Variants in COBL observed in about 807,000 individuals in gnomAD.
The protein encoded by COBL is cordon-bleu WH2 repeat protein, also known as protein cordon-bleu.
In COBL, 51 loss-of-function variants were observed where a neutral mutation model predicts 98.8. The observed-to-expected ratio is 0.52, with a 90% CI of 0.41 to 0.65. The LOEUF is 0.65. Ranked by LOEUF, COBL falls within the 30% of genes least tolerant of loss-of-function variation. The pLI, the probability that COBL is intolerant of heterozygous loss-of-function variation, is 0.00. For missense variants in COBL, 1,617 were observed against 1,617.5 expected, an observed-to-expected ratio of 1.00 and a Z score of 0.01; for synonymous variants, 634 against 651.7, an observed-to-expected ratio of 0.97 and a Z score of 0.41.
At chr7:51,236,065 T>C (rs552451248) in intron 1 of COBL, among the ~76,000 whole-genome samples, 106 of 152,312 alleles carry the variant, frequency 7.0e-4, no homozygotes, top group African/African-American at 2.5e-3. Flanking sequence ...TGGGCTCACT[T>C]GGTGTGTCCT....
intron 2 of COBL, among the ~76,000 whole-genome samples, chr7:51,217,907 G>A (rs116738449): frequency 0.015 from 2,219 of 152,306 alleles, 54 homozygotes; most frequent in African/African-American, 0.051. Context: ...AAAGCCTATC[G>A]AACTGCCGCA....
rs531123538 is a variant in COBL, at chr7:51,137,756, A to AAACAG, written c.784-1430_784-1426dup. 3.2e-4 allele frequency among the ~76,000 whole-genome samples: 48 copies of AAACAG among 152,330 alleles called. No homozygotes were observed. The South Asian group carries it at 8.7e-3, about 28-fold the overall frequency. Reference sequence around the variant, plus strand: ...GAGAACTGTATGTAATCCCAGCTCCAAACAGTTCCTGGTAGGTGGAGGGCC... The same window carrying AAACAG: ...GAGAACTGTATGTAATCCCAGCTCCAAACAGAACAGTTCCTGGTAGGTGGAGGGCC... On this transcript the variant is annotated intron_variant, in intron 5 of 12. Transcript: ENST00000265136.
intron 6 of COBL, among the ~76,000 whole-genome samples, chr7:51,103,635 A>G (rs1328006828): frequency 6.6e-6 from 1 of 152,182 alleles, no homozygotes; most frequent in East Asian, 1.9e-4. Flanking sequence ...TAATTTTGCT[A>G]TGTGCTCTAC....
At chr7:51,072,650 A>C (rs1216031506) in intron 7 of COBL, 2 of 152,270 alleles carry the variant, frequency 1.3e-5, no homozygotes, top group Non-Finnish European at 2.9e-5. Flanking sequence ...CTGTTTAGTG[A>C]ATAAATGGGT....
intron 7 of COBL, among the ~76,000 whole-genome samples, chr7:51,080,327 A>C (rs1335880363): frequency 1.3e-5 from 2 of 152,226 alleles, no homozygotes; most frequent in African/African-American, 4.8e-5. Context: ...GTTTTCAAAA[A>C]AGTGTATTTC....
intron 1 of COBL, 161 bp downstream of exon 1, chr7:51,316,432 C>G: frequency 4.4e-6 from 2 of 453,294 alleles, no homozygotes; most frequent in Non-Finnish European, 6.8e-6. Flanking sequence ...CACCCAACAC[C>G]AGCACCCAAC....
chr7:51,306,593 T>C (rs138121876), intron 1 of COBL, among the ~76,000 whole-genome samples: 4 of 152,256 alleles, frequency 2.6e-5, no homozygotes, highest in East Asian at 3.9e-4. Flanking sequence ...ACATCTTGCT[T>C]TGAGGAAGGG....
chr7:51,065,007 C>T, intron 7 of COBL: 2 of 604,574 alleles, frequency 3.3e-6, no homozygotes, highest in South Asian at 4.1e-5. Context: ...AGCTTTCAGA[C>T]AGACAGAATT....
intron 1 of COBL, chr7:51,260,065 G>GT: frequency 9.0e-7 from 1 of 1,107,492 alleles, no homozygotes; most frequent in East Asian, 2.3e-5. Context: ...TTCTCCAAAA[G>GT]TGTCTGCTTT....
chr7:51,257,998 ATTAT>A (rs1344685767), intron 1 of COBL, among the ~76,000 whole-genome samples: 2 of 152,194 alleles, frequency 1.3e-5, no homozygotes, highest in Admixed American at 6.5e-5. Flanking sequence ...AGGAAAATGT[ATTAT>A]TTATTTACCT....
chr7:51,034,448 A>C (rs1172234968), intron 8 of COBL: 1 of 152,250 alleles, frequency 6.6e-6, no homozygotes, highest in African/African-American at 2.4e-5. Flanking sequence ...TGTTCTGAGC[A>C]TGTATGAATG....
chr7:51,126,422 T>G (rs1384962605), intron 6 of COBL, among the ~76,000 whole-genome samples: 1 of 152,190 alleles, frequency 6.6e-6, no homozygotes, highest in African/African-American at 2.4e-5. Context: ...CTGATCTTCA[T>G]GCTTCTGTTA....
At chr7:51,080,686 A>T (rs1454696991) in intron 7 of COBL, among the ~76,000 whole-genome samples, 1 of 152,136 alleles carries the variant, frequency 6.6e-6, no homozygotes, top group East Asian at 1.9e-4. Flanking sequence ...TTAAAACTGA[A>T]CTCAAGAGGA....
At position 51,029,390 on chromosome 7, in the gene COBL, G is replaced by C. The variant is rs375644713; in HGVS notation, c.1706C>G (p.Ser569Trp). The C allele has an allele frequency of 3.7e-6, 6 of 1,612,506 alleles. No individual in the cohort carries two copies. Among genetic ancestry groups the C allele is most frequent in the Non-Finnish European group, 2.5e-6 (3 of 1,178,942 alleles). ...GTCTCTCCTGCTGGCAACACCCTCC[G>C]AGTCGAAAGACCCAGCATTGTTGTT... is the stretch of plus-strand genomic sequence containing the variant. ...NRNNNAGSFD[S>W]EGVASRRDSL... is the part of the protein sequence containing the mutation. The change falls in exon 10 of 13, where the codon TCG (serine) becomes TGG (tryptophan). Residue 569 changes from serine to tryptophan, a missense_variant. Ser to Trp is a radical substitution (Grantham distance 177). Around this residue, in one of 3 missense-constraint regions of COBL, gnomAD observed 1,304 missense variants for 1,282.0 expected, o/e 1.02. Transcript: ENST00000265136.
chr7:51,246,620 A>G lies in COBL; in HGVS notation c.42-26676T>C, dbSNP rs117506639. Among the ~76,000 whole-genome samples, 127 of 152,312 alleles carry G rather than the reference A, an allele frequency of 8.3e-4. 4 individuals are homozygous for G. The East Asian group carries it at 0.024, about 29-fold the overall frequency. ...GGCCATGCTATTAGATCTGGGCCATATAACTTCTATCTCATTCAAATAAAA... is the reference window on the plus strand; with the variant it reads ...GGCCATGCTATTAGATCTGGGCCATGTAACTTCTATCTCATTCAAATAAAA... On this transcript the variant is annotated intron_variant, in intron 1 of 12. Coordinates refer to ENST00000265136, the MANE Select transcript of COBL (RefSeq NM_015198.5).
intron 1 of COBL, among the ~76,000 whole-genome samples, chr7:51,224,229 G>A (rs801144): frequency 0.19 from 29,237 of 152,048 alleles, 3,680 homozygotes; most frequent in East Asian, 0.59. Flanking sequence ...CTCAGAGTGC[G>A]CCCCTATCAT....
chr7:51,303,224 C>T (rs1802150808), intron 1 of COBL, among the ~76,000 whole-genome samples: 1 of 152,116 alleles, frequency 6.6e-6, no homozygotes, highest in South Asian at 2.1e-4. Flanking sequence ...TCTGGGGACA[C>T]AAAACCTAAT....
intron 5 of COBL, among the ~76,000 whole-genome samples, chr7:51,164,335 C>A (rs1027706570): frequency 6.6e-6 from 1 of 151,760 alleles, no homozygotes; most frequent in African/African-American, 2.4e-5. Flanking sequence ...ATGAAACTCC[C>A]AAAAGTCAAG....
At chr7:51,242,137 T>C (rs1795845634) in intron 1 of COBL, among the ~76,000 whole-genome samples, 1 of 152,194 alleles carries the variant, frequency 6.6e-6, no homozygotes, top group Non-Finnish European at 1.5e-5. Flanking sequence ...GGTCACTTTC[T>C]GCAATCAATC....
Sources: gnomAD v4.1 joint callset for allele counts (sites outside exome capture counted in the v4.1 genomes callset) on GRCh38, gnomAD v4.1.1 for gene constraint, gnomAD v4.1.1 regional missense constraint, MANE v1.5 for transcripts, NCBI Gene and HGNC (gene_info 2026-07-23, HGNC 2026-07-21) for gene names.